RASGRP3: variants seen among roughly 807,000 people sequenced by gnomAD.
RASGRP3 encodes the protein RAS guanyl releasing protein 3.
In RASGRP3, 54 loss-of-function variants were observed where a neutral mutation model predicts 82.7. That is an observed-to-expected ratio of 0.65 (90% CI 0.52 to 0.82). The LOEUF is 0.82. Among genes scored for constraint, RASGRP3 ranks in the 40% least tolerant of loss-of-function variants. The pLI is 0.00. For missense variants in RASGRP3, 861 were observed against 828.9 expected, an observed-to-expected ratio of 1.04 and a Z score of -0.48; for synonymous variants, 309 against 300.5, an observed-to-expected ratio of 1.03 and a Z score of -0.29.
At chr2:33,480,437 GA>G (rs1011346255) in intron 1 of RASGRP3, among the ~76,000 whole-genome samples, 10 of 152,172 alleles carry the variant, frequency 6.6e-5, no homozygotes, top group Non-Finnish European at 1.3e-4. Flanking sequence ...TGGTTTGCTA[GA>G]CCAAAACCAC....
chr2:33,467,992 CT>C lies in RASGRP3; in HGVS notation c.-261+20052del, dbSNP rs1309501079. ...GGATGGTGAGGCTTTTTCTTTCTTT[CT>C]TTCTTTCTTTCTTTCTTTCTTTCTT... On this transcript the variant is annotated intron_variant, in intron 2 of 18. Coordinates refer to the RASGRP3 transcript ENST00000402538. Among the ~76,000 whole-genome samples, 5 of 53,410 alleles carry C rather than the reference CT, an allele frequency of 9.4e-5. No individual in the cohort carries two copies. In the East Asian group the frequency reaches 1.3e-3, roughly 14 times the overall value. The allele number at this position is 53,410 out of a possible 152,430, so 35.0% of individuals were successfully genotyped here. A position where few individuals can be genotyped will look rare whatever the true frequency, so the allele number is the denominator to read the frequency against.
chr2:33,514,868 A>T (rs754022000), intron 2 of RASGRP3, 142 bp from the exon 3 acceptor site: 1 of 443,806 alleles, frequency 2.3e-6, no homozygotes, highest in Non-Finnish European at 4.1e-6. Flanking sequence ...TAAAAGGTTG[A>T]TGTAATCTCA....
At chr2:33,547,515 A>G (rs1291203197) in intron 13 of RASGRP3, among the ~76,000 whole-genome samples, 1 of 152,066 alleles carries the variant, frequency 6.6e-6, no homozygotes, top group African/African-American at 2.4e-5. Context: ...AAGCCTGGGC[A>G]GGGAGTACAG....
chr2:33,496,358 A>C (rs550586903), intron 1 of RASGRP3, among the ~76,000 whole-genome samples: 1 of 152,352 alleles, frequency 6.6e-6, no homozygotes, highest in African/African-American at 2.4e-5. Flanking sequence ...TTAATACAGA[A>C]TGCGTGATTT....
chr2:33,478,001 C>T (rs897214498), intron 1 of RASGRP3, among the ~76,000 whole-genome samples: 1 of 152,158 alleles, frequency 6.6e-6, no homozygotes, highest in African/African-American at 2.4e-5. Flanking sequence ...TTCTTTCGCC[C>T]TCTGCCCCCT....
At chr2:33,534,452 T>C (rs1673405761) in intron 11 of RASGRP3, 52 bp downstream of exon 11, 1 of 1,232,604 alleles carries the variant, frequency 8.1e-7, no homozygotes, top group African/African-American at 1.5e-5. Context: ...TTTTTTGTCA[T>C]GTACAGTAAT....
chr2:33,450,818 CTTTCTTTTTTTTTTTTTTTT>C (rs1464524211), intron 2 of RASGRP3, among the ~76,000 whole-genome samples: 5 of 43,414 alleles, frequency 1.2e-4, no homozygotes, highest in African/African-American at 1.5e-4. Context: ...CTCTTTCTTT[CTTTCTTTTTTTTTTTTTTTT>C]TTTTTTTTTT....
intron 12 of RASGRP3, 85 bp from the exon 13 acceptor site, chr2:33,543,427 A>C: frequency 1.3e-6 from 1 of 752,088 alleles, no homozygotes; most frequent in Non-Finnish European, 2.2e-6. Context: ...AGAAAGGATC[A>C]TATGCTAGTT....
intron 1 of RASGRP3, among the ~76,000 whole-genome samples, chr2:33,488,894 C>T (rs1056604619): frequency 2.0e-5 from 3 of 151,898 alleles, no homozygotes; most frequent in African/African-American, 7.3e-5. Context: ...AATAGCCAGG[C>T]ATTTGCCTAC....
chr2:33,440,011 G>A (rs1665140618), intron 1 of RASGRP3, among the ~76,000 whole-genome samples: 1 of 151,910 alleles, frequency 6.6e-6, no homozygotes, highest in South Asian at 2.1e-4. Flanking sequence ...TATGGTTATA[G>A]GAGGAGAGAA....
chr2:33,553,939 A>G (rs1020124454), intron 14 of RASGRP3, among the ~76,000 whole-genome samples: 1 of 152,082 alleles, frequency 6.6e-6, no homozygotes, highest in African/African-American at 2.4e-5. Context: ...GGGTTTCACC[A>G]TGTTGGCCAG....
rs865786749 is a variant in RASGRP3 at position 33,540,580 on chromosome 2, G to T, written c.1278+1370G>T. Among the ~76,000 whole-genome samples, 188 of 122,510 alleles carry T rather than the reference G, an allele frequency of 1.5e-3. 21 individuals are homozygous for T. The highest frequency in any genetic ancestry group is 0.013 in the Middle Eastern group (3 of 236). The allele number at this position is 122,510 out of a possible 152,430, so 80.4% of individuals were successfully genotyped here. On this transcript the variant is annotated intron_variant, in intron 12 of 17. Coordinates refer to ENST00000403687, the MANE Select transcript of RASGRP3 (RefSeq NM_001139488.2). ...TTTGTGTGTGTGTGTGTGTGTGTGT[G>T]TGTGTGTGTGTGTGTGTGTGTGTGT...
At chr2:33,507,820 C>A (rs1160433615) in intron 1 of RASGRP3, among the ~76,000 whole-genome samples, 1 of 152,246 alleles carries the variant, frequency 6.6e-6, no homozygotes. Flanking sequence ...GCCACCGTGC[C>A]TGGCCCATAT....
chr2:33,485,270 A>G (rs1478862644), intron 1 of RASGRP3, among the ~76,000 whole-genome samples: 1 of 152,244 alleles, frequency 6.6e-6, no homozygotes, highest in African/African-American at 2.4e-5. Flanking sequence ...CTTGTCATGC[A>G]ATTGACATTA....
At chr2:33,524,331 T>C (rs1046397804) in intron 8 of RASGRP3, 101 bp from the exon 9 acceptor site, 1 of 805,000 alleles carries the variant, frequency 1.2e-6, no homozygotes, top group African/African-American at 1.8e-5. Context: ...ATGTTTTCCT[T>C]AGCTTCTTGT....
intron 2 of RASGRP3, among the ~76,000 whole-genome samples, chr2:33,468,006 TTCTTTC>T (rs1270315974): frequency 3.1e-5 from 4 of 127,226 alleles, no homozygotes; most frequent in Non-Finnish European, 6.0e-5. Flanking sequence ...CTTTCTTTCT[TTCTTTC>T]TTTCTTTCTT....
At chr2:33,547,896 C>T (rs907115678) in intron 13 of RASGRP3, among the ~76,000 whole-genome samples, 1 of 151,710 alleles carries the variant, frequency 6.6e-6, no homozygotes, top group African/African-American at 2.4e-5. Context: ...GGGGAGAGCG[C>T]CAAAAGAAGG....
chr2:33,515,338 C>T (rs531417643), intron 3 of RASGRP3, 132 bp downstream of exon 3: 53 of 842,826 alleles, frequency 6.3e-5, no homozygotes, highest in Admixed American at 8.7e-5. Context: ...CGGATGGACC[C>T]GGGTCTGTCT....
chr2:33,495,055 A>G (rs1669185889), intron 1 of RASGRP3, among the ~76,000 whole-genome samples: 1 of 152,338 alleles, frequency 6.6e-6, no homozygotes, highest in Non-Finnish European at 1.5e-5. Context: ...CTGTCTTGTC[A>G]TTCTTCCTTG....
Sources: allele counts gnomAD v4.1 joint callset (sites outside exome capture counted in the v4.1 genomes callset), GRCh38; gene constraint gnomAD v4.1.1; transcripts MANE v1.5; gene names NCBI Gene and HGNC (gene_info 2026-07-23, HGNC 2026-07-21).